Variants in SSH2 observed in about 807,000 individuals in gnomAD.
SSH2 encodes the protein protein phosphatase Slingshot homolog 2.
Under a neutral mutation model 135.2 loss-of-function variants are expected in SSH2, and 37 were observed. The observed-to-expected ratio is 0.27, with a 90% CI of 0.21 to 0.36. The LOEUF is 0.36. Ranked by LOEUF, SSH2 falls within the 10% of genes least tolerant of loss-of-function variation. The pLI is 1.00. For missense variants in SSH2, 1,408 were observed against 1,765.3 expected (o/e 0.80, Z 3.63); for synonymous variants, 628 against 646.2 (o/e 0.97, Z 0.43).
intron 4 of SSH2, among the ~76,000 whole-genome samples, chr17:29,699,801 T>C (rs1392616975): frequency 6.6e-6 from 1 of 152,234 alleles, no homozygotes; most frequent in Non-Finnish European, 1.5e-5. Context: ...TTAGTGGGCA[T>C]ACTTCATCTG....
intron 13 of SSH2, among the ~76,000 whole-genome samples, chr17:29,650,438 A>C (rs1401637815): frequency 6.6e-6 from 1 of 152,188 alleles, no homozygotes; most frequent in Non-Finnish European, 1.5e-5. Flanking sequence ...CTCAATGGAA[A>C]TAGCCAACAT....
chr17:29,833,967 T>G (rs2151369149), intron 2 of SSH2, among the ~76,000 whole-genome samples: 1 of 143,606 alleles, frequency 7.0e-6, no homozygotes, highest in East Asian at 2.0e-4. Flanking sequence ...CTACCCTCCC[T>G]TTTTTGAAAG....
chr17:29,704,117 AAGT>A lies in SSH2; in HGVS notation c.189-1058_189-1056del, dbSNP rs567984687. Among the ~76,000 whole-genome samples, 19 of 152,340 alleles carry A rather than the reference AAGT, an allele frequency of 1.2e-4. 1 individual carries two copies. In the South Asian group the frequency reaches 3.3e-3, roughly 27 times the overall value. On this transcript the variant is annotated intron_variant, in intron 3 of 15. Coordinates refer to ENST00000540801, the MANE Select transcript of SSH2 (RefSeq NM_001282129.2). The stretch of plus-strand genomic sequence containing the variant: ...GCCCTTAATAAATATTAGTTATTAT[AAGT>A]AGATTAGTAGAAGGTTATCAGTAAT...
rs983902185 is a variant in SSH2, at chr17:29,626,327, A to G, written c.*4514T>C. On this transcript the variant is annotated 3_prime_UTR_variant, in exon 16 of 16. Coordinates refer to ENST00000540801, the MANE Select transcript of SSH2 (RefSeq NM_001282129.2). ...AGTAAAGGCACCTTTAGATATGCCA[A>G]GCAAACCAAAATCCAACAGAACATA... 5 of 152,074 alleles carry G rather than the reference A, an allele frequency of 3.3e-5. No homozygotes were observed. The highest frequency in any genetic ancestry group is 1.2e-4 in the African/African-American group (5 of 41,292). 9.4% of individuals were successfully genotyped at this position (152,074 alleles called of 1,614,324 possible).
intron 3 of SSH2, among the ~76,000 whole-genome samples, chr17:29,786,369 C>T (rs548275063): frequency 3.9e-5 from 6 of 152,314 alleles, no homozygotes; most frequent in Non-Finnish European, 1.5e-5. Flanking sequence ...TTTGTGAAAC[C>T]TGGGATTCAA....
At chr17:29,730,512 T>C (rs1177745787) in intron 3 of SSH2, among the ~76,000 whole-genome samples, 4 of 151,508 alleles carry the variant, frequency 2.6e-5, no homozygotes, top group African/African-American at 4.9e-5. Context: ...CACCACTCAC[T>C]GTAGCCTTGA....
intron 8 of SSH2, among the ~76,000 whole-genome samples, chr17:29,672,734 C>A (rs1479395129): frequency 6.6e-6 from 1 of 152,160 alleles, no homozygotes; most frequent in Admixed American, 6.6e-5. Context: ...GACAGTGACT[C>A]ACTCTGTCAC....
intron 12 of SSH2, among the ~76,000 whole-genome samples, chr17:29,654,015 A>G (rs1412231540): frequency 6.6e-6 from 1 of 152,222 alleles, no homozygotes; most frequent in Non-Finnish European, 1.5e-5. Context: ...TTGTTGAATT[A>G]TGGGGTCCTT....
At chr17:29,831,263 A>G (rs1477094015) in intron 2 of SSH2, among the ~76,000 whole-genome samples, 2 of 152,120 alleles carry the variant, frequency 1.3e-5, no homozygotes, top group African/African-American at 2.4e-5. Flanking sequence ...GACATAACCT[A>G]TACGCTACTC....
At chr17:29,635,697 C>T (rs527573087) in intron 15 of SSH2, among the ~76,000 whole-genome samples, 34 of 152,268 alleles carry the variant, frequency 2.2e-4, no homozygotes, top group Non-Finnish European at 2.8e-4. Context: ...TGTGAGCCAC[C>T]GCGCCTGGTC....
chr17:29,883,945 T>C (rs1323769811), intron 1 of SSH2, among the ~76,000 whole-genome samples: 2 of 152,190 alleles, frequency 1.3e-5, no homozygotes, highest in African/African-American at 4.8e-5. Context: ...AGAACTCTTG[T>C]GAAAATGAAT....
In SSH2 at chr17:29,667,225, TGAG is replaced by T. The variant is rs760347443; in HGVS notation, c.810-5_810-3del. 5.1e-6 allele frequency: 8 copies of T among 1,561,366 alleles called. No individual in the cohort carries two copies. Among genetic ancestry groups the T allele is most frequent in the Non-Finnish European group, 6.1e-6 (7 of 1,140,198 alleles). ...TCTGTTCGTTCACGTTCAGTAGGTC[TGAG>T]AAGAGAGAAATAACGATTATTCTTA... On this transcript the variant is annotated splice_region_variant and splice_polypyrimidine_tract_variant and intron_variant, in intron 9 of 15. Transcript: ENST00000540801.
chr17:29,885,607 C>T (rs906100643), intron 1 of SSH2, among the ~76,000 whole-genome samples: 2 of 152,050 alleles, frequency 1.3e-5, no homozygotes, highest in Admixed American at 1.3e-4. Flanking sequence ...TACCAATGAC[C>T]AATGATTTAA....
chr17:29,921,005 A>G (rs2066967178), intron 1 of SSH2, among the ~76,000 whole-genome samples: 1 of 152,222 alleles, frequency 6.6e-6, no homozygotes. Context: ...AAGCTGGGCA[A>G]AGAACATGAA....
At chr17:29,751,498 A>G (rs1175875759) in intron 3 of SSH2, among the ~76,000 whole-genome samples, 1 of 152,216 alleles carries the variant, frequency 6.6e-6, no homozygotes, top group East Asian at 1.9e-4. Flanking sequence ...TACATAAACC[A>G]GCAACGCAGT....
At chr17:29,719,904 C>G (rs2151164792) in intron 3 of SSH2, among the ~76,000 whole-genome samples, 1 of 152,226 alleles carries the variant, frequency 6.6e-6, no homozygotes, top group African/African-American at 2.4e-5. Flanking sequence ...TTACAGGCAC[C>G]TGCCACTGTG....
chr17:29,838,182 G>T (rs909809816), intron 2 of SSH2, among the ~76,000 whole-genome samples: 7 of 152,232 alleles, frequency 4.6e-5, no homozygotes, highest in Admixed American at 3.3e-4. Context: ...CCTGGGCACT[G>T]GTGCAACCCA....
chr17:29,732,237 T>C (rs1033943337), intron 3 of SSH2, among the ~76,000 whole-genome samples: 5 of 152,200 alleles, frequency 3.3e-5, no homozygotes, highest in Non-Finnish European at 7.4e-5. Context: ...TTCTTCTTAG[T>C]AGGCAAAAGT....
chr17:29,839,574 T>G (rs1268925743), intron 2 of SSH2, among the ~76,000 whole-genome samples: 2 of 152,236 alleles, frequency 1.3e-5, no homozygotes, highest in Non-Finnish European at 2.9e-5. Flanking sequence ...AGTGAATTTC[T>G]GAGAATTGTG....
Sources: allele counts gnomAD v4.1 joint callset (sites outside exome capture counted in the v4.1 genomes callset), GRCh38; gene constraint gnomAD v4.1.1; transcripts MANE v1.5; gene names NCBI Gene and HGNC (gene_info 2026-07-23, HGNC 2026-07-21).